The following LHFPL6 variants were observed in gnomAD, a reference collection of about 807,000 sequenced individuals.
The protein encoded by LHFPL6 is LHFPL tetraspan subfamily member 6 protein.
Under a neutral mutation model 20.6 loss-of-function variants are expected in LHFPL6, and 9 were observed. The ratio of observed to expected loss-of-function variants is 0.44; its 90% CI spans 0.26 to 0.76. The LOEUF (loss-of-function observed/expected upper bound fraction) is 0.76. LHFPL6 is among the 30% of genes least tolerant of loss of function. The pLI is 0.20. For missense variants in LHFPL6, 218 were observed against 253.5 expected (o/e 0.86, Z 0.95); for synonymous variants, 105 against 98.7 (o/e 1.06, Z -0.38).
chr13:39,532,557 C>G (rs1347869164), intron 2 of LHFPL6, among the ~76,000 whole-genome samples: 1 of 151,958 alleles, frequency 6.6e-6, no homozygotes, highest in Non-Finnish European at 1.5e-5. Context: ...ATGTATATAT[C>G]CCATGGGACC....
rs544042941 is a variant in LHFPL6 at position 39,564,318 on chromosome 13, T to C, written c.385+36514A>G. On this transcript the variant is annotated intron_variant, in intron 2 of 3. Transcript: ENST00000379589. ...TGCCAAGATTAAATGAGATGACCTC[T>C]TTGGAGTCCTTCCACTAGAGGCAAT... 2.6e-5 allele frequency among the ~76,000 whole-genome samples: 4 copies of C among 152,332 alleles called. No individual in the cohort carries two copies. In the South Asian group the frequency reaches 8.3e-4, roughly 32 times the overall value.
At position 39,532,297 on chromosome 13, in the gene LHFPL6, C is replaced by T. The variant is rs967320748; in HGVS notation, c.385+68535G>A. 2.0e-5 allele frequency among the ~76,000 whole-genome samples: 3 copies of T among 152,266 alleles called. No individual in the cohort carries two copies. In the South Asian group the frequency reaches 6.2e-4, roughly 32 times the overall value. ...AAATGGAGTGGACATTCACAGCCCTCCACAAAACAGCCCCAACTGATGTTT... is the reference window on the plus strand; with the variant it reads ...AAATGGAGTGGACATTCACAGCCCTTCACAAAACAGCCCCAACTGATGTTT... On this transcript the variant is annotated intron_variant, in intron 2 of 3. Transcript: ENST00000379589.
intron 2 of LHFPL6, among the ~76,000 whole-genome samples, chr13:39,538,831 G>A: frequency 6.6e-6 from 1 of 152,066 alleles, no homozygotes; most frequent in East Asian, 1.9e-4. Flanking sequence ...TAAAATGTAA[G>A]GATACCTGCA....
intron 2 of LHFPL6, among the ~76,000 whole-genome samples, chr13:39,560,380 CTGTT>C (rs1480216831): frequency 6.6e-6 from 1 of 151,938 alleles, no homozygotes; most frequent in African/African-American, 2.4e-5. Context: ...AATTTCTGTT[CTGTT>C]TGTCTCCCAA....
chr13:39,520,097 T>C (rs1470146051), intron 2 of LHFPL6, among the ~76,000 whole-genome samples: 1 of 152,198 alleles, frequency 6.6e-6, no homozygotes, highest in Non-Finnish European at 1.5e-5. Context: ...CCCAGCAGCC[T>C]GGTCTTCAGA....
chr13:39,496,870 T>C (rs983822941), intron 2 of LHFPL6, among the ~76,000 whole-genome samples: 1 of 152,094 alleles, frequency 6.6e-6, no homozygotes, highest in Non-Finnish European at 1.5e-5. Context: ...TACCCAGGGG[T>C]ATAGCTCAGT....
chr13:39,592,187 C>G (rs1593377142), intron 2 of LHFPL6, among the ~76,000 whole-genome samples: 1 of 151,472 alleles, frequency 6.6e-6, no homozygotes, highest in East Asian at 1.9e-4. Context: ...ATCTTTCCCA[C>G]GTTAAGGCTT....
At chr13:39,521,847 A>G (rs28714400) in intron 2 of LHFPL6, among the ~76,000 whole-genome samples, 4,283 of 151,542 alleles carry the variant, frequency 0.028, 211 homozygotes, top group African/African-American at 0.098. Context: ...TACTTTTTTC[A>G]AAAGGCAGAA....
intron 2 of LHFPL6, among the ~76,000 whole-genome samples, chr13:39,484,360 T>C (rs1436879267): frequency 1.3e-5 from 2 of 152,188 alleles, no homozygotes; most frequent in African/African-American, 4.8e-5. Flanking sequence ...TTTGGAGTCA[T>C]GCTTGAGGTC....
intron 2 of LHFPL6, among the ~76,000 whole-genome samples, chr13:39,391,077 T>C (rs1870697712): frequency 6.6e-6 from 1 of 152,172 alleles, no homozygotes; most frequent in South Asian, 2.1e-4. Context: ...AAAGCCTCAG[T>C]ACTAATGAAA....
intron 3 of LHFPL6, among the ~76,000 whole-genome samples, chr13:39,364,642 C>A (rs1475020641): frequency 2.6e-5 from 4 of 152,016 alleles, no homozygotes; most frequent in Non-Finnish European, 5.9e-5. Flanking sequence ...GGATAGTTTT[C>A]TTTCTTTTCT....
At chr13:39,429,005 T>A (rs966329524) in intron 2 of LHFPL6, among the ~76,000 whole-genome samples, 13 of 152,198 alleles carry the variant, frequency 8.5e-5, no homozygotes, top group African/African-American at 2.7e-4. Flanking sequence ...ACTTCTAAGT[T>A]AATTCCATTG....
At chr13:39,360,254 C>T (rs60645370) in intron 3 of LHFPL6, among the ~76,000 whole-genome samples, 1,993 of 97,450 alleles carry the variant, frequency 0.02, 540 homozygotes, top group African/African-American at 0.057. Context: ...CTCCTGACCT[C>T]GTGATCCGCC....
intron 2 of LHFPL6, among the ~76,000 whole-genome samples, chr13:39,515,088 T>C (rs565958442): frequency 6.6e-6 from 1 of 152,380 alleles, no homozygotes; most frequent in South Asian, 2.1e-4. Flanking sequence ...CTGAATCCCC[T>C]TTAAGTGGAG....
chr13:39,518,766 G>T (rs986861405), intron 2 of LHFPL6, among the ~76,000 whole-genome samples: 1 of 151,938 alleles, frequency 6.6e-6, no homozygotes, highest in Non-Finnish European at 1.5e-5. Flanking sequence ...CCCATCCCCC[G>T]CCATCCCCCT....
chr13:39,484,703 C>T (rs780469587), intron 2 of LHFPL6, among the ~76,000 whole-genome samples: 4 of 152,172 alleles, frequency 2.6e-5, no homozygotes, highest in Non-Finnish European at 5.9e-5. Flanking sequence ...GTGGTTTAAG[C>T]TTTCACCTCA....
intron 2 of LHFPL6, among the ~76,000 whole-genome samples, chr13:39,449,626 T>A (rs115763777): frequency 5.3e-5 from 8 of 152,262 alleles, no homozygotes; most frequent in African/African-American, 1.7e-4. Context: ...ATTTATATGA[T>A]GGAACTTGTT....
At chr13:39,437,805 G>A (rs1281549329) in intron 2 of LHFPL6, among the ~76,000 whole-genome samples, 1 of 152,020 alleles carries the variant, frequency 6.6e-6, no homozygotes, top group African/African-American at 2.4e-5. Context: ...GGGAGGCCGA[G>A]GCAGGAGAAT....
intron 3 of LHFPL6, among the ~76,000 whole-genome samples, chr13:39,352,876 T>C (rs1292113977): frequency 0.012 from 651 of 55,994 alleles, 9 homozygotes; most frequent in South Asian, 0.023. Flanking sequence ...TATATATATA[T>C]ATAAATGTAT....
Sources: gnomAD v4.1 joint callset for allele counts (sites outside exome capture counted in the v4.1 genomes callset) on GRCh38, gnomAD v4.1.1 for gene constraint, MANE v1.5 for transcripts, NCBI Gene and HGNC (gene_info 2026-07-23, HGNC 2026-07-21) for gene names.